The following SYNJ2BP variants were observed in gnomAD, a reference collection of about 807,000 sequenced individuals.
SYNJ2BP encodes synaptojanin-2-binding protein.
A neutral mutation model predicts 16.9 loss-of-function variants in SYNJ2BP; 10 were observed. The ratio of observed to expected loss-of-function variants is 0.59; its 90% CI spans 0.36 to 1.00. SYNJ2BP has a LOEUF of 1.00. Ranked by LOEUF, SYNJ2BP falls within the 50% of genes least tolerant of loss-of-function variation. The probability of loss-of-function intolerance (pLI) is 0.01; values close to 1 mark genes in which losing one functional copy is unlikely to be tolerated. For missense variants in SYNJ2BP, 162 were observed against 186.7 expected (o/e 0.87, Z 0.77); for synonymous variants, 54 against 68.4 (o/e 0.79, Z 1.04).
chr14:70,376,314 C>T (rs1423477141), intron 2 of SYNJ2BP, among the ~76,000 whole-genome samples: 2 of 152,176 alleles, frequency 1.3e-5, no homozygotes, highest in African/African-American at 4.8e-5. Flanking sequence ...TCCATTATAT[C>T]CAAATTAGTA....
At chr14:70,405,110 G>C (rs1457357290) in intron 1 of SYNJ2BP, among the ~76,000 whole-genome samples, 4 of 152,134 alleles carry the variant, frequency 2.6e-5, no homozygotes, top group African/African-American at 9.7e-5. Flanking sequence ...TTGTGTGACA[G>C]GGTGAGACCC....
intron 1 of SYNJ2BP, 39 bp from the exon 2 acceptor site, chr14:70,388,645 GAAGA>G (rs1453068900): frequency 2.1e-6 from 3 of 1,451,510 alleles, no homozygotes; most frequent in African/African-American, 1.5e-5. Flanking sequence ...TGGGGGTGAA[GAAGA>G]AAGAAAGAGA....
At chr14:70,399,869 G>A (rs1479843565) in intron 1 of SYNJ2BP, among the ~76,000 whole-genome samples, 1 of 152,204 alleles carries the variant, frequency 6.6e-6, no homozygotes, top group Non-Finnish European at 1.5e-5. Context: ...AGGGTCCCCA[G>A]TAAAAGGGAG....
intron 1 of SYNJ2BP, among the ~76,000 whole-genome samples, chr14:70,391,116 C>A (rs189686589): frequency 1.8e-4 from 27 of 152,132 alleles, no homozygotes; most frequent in Non-Finnish European, 2.6e-4. Context: ...CAGAGTGAGA[C>A]CCCCATCTCA....
At chr14:70,399,629 C>A (rs1249407136) in intron 1 of SYNJ2BP, among the ~76,000 whole-genome samples, 2 of 152,250 alleles carry the variant, frequency 1.3e-5, no homozygotes, top group Non-Finnish European at 2.9e-5. Flanking sequence ...CCCACGCCTC[C>A]CCGCTGCAGC....
chr14:70,397,264 C>CTATATATATA (rs139489096), intron 1 of SYNJ2BP, among the ~76,000 whole-genome samples: 424 of 150,874 alleles, frequency 2.8e-3, no homozygotes, highest in Middle Eastern at 6.9e-3. Context: ...ATGATGTGTT[C>CTATATATATA]TATATATATA....
rs1050340767 is a variant in SYNJ2BP at position 70,372,998 on chromosome 14, T to C, written c.431A>G (p.Gln144Arg). The stretch of plus-strand genomic sequence containing the variant: ...TGAAAGAGAGCAAGTTTTTCAAAGT[T>C]GTTGCCGGTATCTCATGAAAGCCCA... Reference protein sequence around the residue: ...AAWAFMRYRQQL With the variant: ...AAWAFMRYRQRL The change falls in exon 4 of 4, where the codon CAA becomes CGA. Residue 144 changes from glutamine to arginine, a missense_variant. Transcript: ENST00000256366. The C allele has an allele frequency of 6.2e-7, 1 of 1,613,996 alleles. No homozygotes were observed. Among genetic ancestry groups the C allele is most frequent in the African/African-American group, 1.3e-5 (1 of 74,910 alleles).
intron 2 of SYNJ2BP, among the ~76,000 whole-genome samples, chr14:70,382,008 A>C (rs183886215): frequency 1.2e-3 from 190 of 152,298 alleles, no homozygotes; most frequent in South Asian, 2.7e-3. Flanking sequence ...AGGCAAAGGC[A>C]GGCGGATCAC....
At chr14:70,415,765 G>A (rs1888592250) in intron 1 of SYNJ2BP, among the ~76,000 whole-genome samples, 2 of 152,140 alleles carry the variant, frequency 1.3e-5, no homozygotes, top group Non-Finnish European at 2.9e-5. Flanking sequence ...GGAGCTCAGA[G>A]TACTTGATGA....
intron 1 of SYNJ2BP, among the ~76,000 whole-genome samples, chr14:70,412,624 A>AG (rs1286034212): frequency 2.3e-5 from 1 of 43,660 alleles, no homozygotes; most frequent in Non-Finnish European, 5.8e-5. Context: ...ATATATGTAT[A>AG]TATAGTAACT....
chr14:70,406,875 C>T (rs1470949007), intron 1 of SYNJ2BP, among the ~76,000 whole-genome samples: 1 of 152,162 alleles, frequency 6.6e-6, no homozygotes, highest in Admixed American at 6.5e-5. Context: ...ACTCCAGTCT[C>T]CTGTACAGCT....
chr14:70,415,488 C>T (rs550139035), intron 1 of SYNJ2BP, among the ~76,000 whole-genome samples: 1 of 149,602 alleles, frequency 6.7e-6, no homozygotes, highest in South Asian at 2.1e-4. Flanking sequence ...GAGGGAGAGG[C>T]TGCAGTGGGC....
intron 1 of SYNJ2BP, among the ~76,000 whole-genome samples, chr14:70,400,934 C>T (rs1594956470): frequency 6.6e-6 from 1 of 152,168 alleles, no homozygotes; most frequent in East Asian, 1.9e-4. Flanking sequence ...GAAGAATTTT[C>T]AAAAGCCAAA....
intron 1 of SYNJ2BP, among the ~76,000 whole-genome samples, chr14:70,412,906 C>T (rs1467716362): frequency 6.6e-6 from 1 of 152,064 alleles, no homozygotes; most frequent in Non-Finnish European, 1.5e-5. Flanking sequence ...ATTAAACAGT[C>T]TTGTCACACT....
At chr14:70,377,757 C>T (rs946453634) in intron 2 of SYNJ2BP, among the ~76,000 whole-genome samples, 3 of 152,156 alleles carry the variant, frequency 2.0e-5, no homozygotes, top group Non-Finnish European at 4.4e-5. Flanking sequence ...GATTACTTAA[C>T]TATTATCTTT....
At chr14:70,400,157 A>T (rs1205072045) in intron 1 of SYNJ2BP, among the ~76,000 whole-genome samples, 4 of 152,244 alleles carry the variant, frequency 2.6e-5, no homozygotes, top group Non-Finnish European at 5.9e-5. Flanking sequence ...ACCTGTACTC[A>T]AGGACTATAA....
intron 3 of SYNJ2BP, among the ~76,000 whole-genome samples, chr14:70,374,411 T>G (rs1474036414): frequency 2.0e-5 from 3 of 152,208 alleles, no homozygotes; most frequent in Non-Finnish European, 4.4e-5. Flanking sequence ...CTAAATGTTC[T>G]TAAGCTTCTA....
chr14:70,416,958 G>T lies in SYNJ2BP; in HGVS notation c.6C>A (p.Asn2Lys). 1 of 1,614,082 alleles carries T rather than the reference G, an allele frequency of 6.2e-7. No individual in the cohort carries two copies. Among genetic ancestry groups the T allele is most frequent in the Non-Finnish European group, 8.5e-7 (1 of 1,180,012 alleles). The change falls in exon 1 of 4, where the codon AAC (asparagine) becomes AAA (lysine). Residue 2 changes from asparagine (N) to lysine (K), a missense_variant. Asn to Lys is a moderately conservative substitution (Grantham distance 94). Coordinates refer to ENST00000256366, the MANE Select transcript of SYNJ2BP (RefSeq NM_018373.3). M[N>K]GRVDYLVTEE... ...CAGTGACCAAATAATCCACTCTTCC[G>T]TTCATGTTTTACAGCTCGTCTGGCT...
chr14:70,412,482 T>G (rs1470476406), intron 1 of SYNJ2BP, among the ~76,000 whole-genome samples: 2 of 102,540 alleles, frequency 2.0e-5, no homozygotes, highest in Non-Finnish European at 4.5e-5. Context: ...ATATATACAG[T>G]ATATATATGT....
Sources: allele counts gnomAD v4.1 joint callset (sites outside exome capture counted in the v4.1 genomes callset), GRCh38; gene constraint gnomAD v4.1.1; transcripts MANE v1.5; gene names NCBI Gene and HGNC (gene_info 2026-07-23, HGNC 2026-07-21).